ADAM32: variants seen among roughly 807,000 people sequenced by gnomAD.
The protein encoded by ADAM32 is ADAM metallopeptidase domain 32.
Under a neutral mutation model 114.9 loss-of-function variants are expected in ADAM32, and 89 were observed. That is an observed-to-expected ratio of 0.77 (90% CI 0.65 to 0.92). The LOEUF (loss-of-function observed/expected upper bound fraction) is 0.92, where lower values mean the gene tolerates loss of function less well. Among genes scored for constraint, ADAM32 ranks in the 40% least tolerant of loss-of-function variants. ADAM32 has a pLI of 0.00. For synonymous variants in ADAM32, 285 were observed against 307.5 expected, an observed-to-expected ratio of 0.93 and a Z score of 0.77; for missense variants, 870 against 932.8, an observed-to-expected ratio of 0.93 and a Z score of 0.88.
chr8:39,236,655 A>G (rs1810165288), intron 16 of ADAM32, among the ~76,000 whole-genome samples: 2 of 152,184 alleles, frequency 1.3e-5, no homozygotes, highest in Non-Finnish European at 2.9e-5. Flanking sequence ...ATGAGCTTAT[A>G]TTGACACATC....
intron 11 of ADAM32, among the ~76,000 whole-genome samples, chr8:39,210,861 A>G (rs990217163): frequency 4.0e-5 from 6 of 151,702 alleles, no homozygotes; most frequent in Non-Finnish European, 7.4e-5. Flanking sequence ...GCTGATTTTT[A>G]TTTGGAATAA....
intron 16 of ADAM32, among the ~76,000 whole-genome samples, chr8:39,234,815 C>A (rs11781312): frequency 0.027 from 4,179 of 152,288 alleles, 92 homozygotes; most frequent in Non-Finnish European, 0.042. Flanking sequence ...AACACAACAT[C>A]CAAATAGCTC....
chr8:39,174,465 T>C (rs1255436950), intron 10 of ADAM32, among the ~76,000 whole-genome samples: 1 of 72,930 alleles, frequency 1.4e-5, no homozygotes, highest in Admixed American at 1.4e-4. Context: ...TGGTTCCATA[T>C]GATTTTTTTT....
At chr8:39,149,631 T>C (rs1453570702) in intron 4 of ADAM32, among the ~76,000 whole-genome samples, 160 bp from the exon 5 acceptor site, 1 of 152,098 alleles carries the variant, frequency 6.6e-6, no homozygotes, top group Non-Finnish European at 1.5e-5. Flanking sequence ...AAGTGGCAAT[T>C]ATGGGGAGAA....
At chr8:39,265,443 T>C (rs1278698361) in intron 19 of ADAM32, among the ~76,000 whole-genome samples, 1 of 152,206 alleles carries the variant, frequency 6.6e-6, no homozygotes, top group Non-Finnish European at 1.5e-5. Context: ...CTTGCTTCTT[T>C]ATACACTTTG....
chr8:39,110,688 C>T (rs1840120797), intron 1 of ADAM32, among the ~76,000 whole-genome samples: 1 of 152,206 alleles, frequency 6.6e-6, no homozygotes, highest in African/African-American at 2.4e-5. Flanking sequence ...TTTATTAATG[C>T]TGTCATATTA....
intron 6 of ADAM32, among the ~76,000 whole-genome samples, chr8:39,155,149 CT>C (rs1256001838): frequency 6.6e-6 from 1 of 152,204 alleles, no homozygotes; most frequent in African/African-American, 2.4e-5. Flanking sequence ...TGGAAGCATT[CT>C]CTTTGAAAAC....
intron 1 of ADAM32, among the ~76,000 whole-genome samples, chr8:39,110,162 C>T (rs1042142481): frequency 3.3e-5 from 5 of 152,090 alleles, no homozygotes; most frequent in Admixed American, 6.5e-5. Context: ...CTCCGCCTCC[C>T]GGTTCAAGCA....
At chr8:39,234,136 TTTTTA>T (rs1809943256) in intron 16 of ADAM32, 54 bp downstream of exon 16, 1 of 1,176,626 alleles carries the variant, frequency 8.5e-7, no homozygotes. Flanking sequence ...TGTTTTCATC[TTTTTA>T]TTTAAGTATC....
intron 23 of ADAM32, 122 bp from the exon 24 acceptor site, chr8:39,283,464 A>T: frequency 4.9e-6 from 3 of 611,912 alleles, no homozygotes; most frequent in Non-Finnish European, 7.4e-6. Flanking sequence ...TTTGGCAAAT[A>T]TTTCTTTTTT....
At chr8:39,225,830 A>G (rs1448219539) in intron 14 of ADAM32, among the ~76,000 whole-genome samples, 1 of 152,198 alleles carries the variant, frequency 6.6e-6, no homozygotes, top group African/African-American at 2.4e-5. Context: ...TAAAGTTTCA[A>G]AATGGTGACT....
chr8:39,193,017 A>T (rs946956542), intron 11 of ADAM32, among the ~76,000 whole-genome samples: 2 of 152,176 alleles, frequency 1.3e-5, no homozygotes, highest in African/African-American at 4.8e-5. Flanking sequence ...CTTGTGAAGC[A>T]TATTGTGGAG....
At chr8:39,201,052 T>G (rs1355443708) in intron 11 of ADAM32, among the ~76,000 whole-genome samples, 1 of 152,218 alleles carries the variant, frequency 6.6e-6, no homozygotes, top group African/African-American at 2.4e-5. Flanking sequence ...TGAAGTCAGG[T>G]AGCGTGATGC....
intron 4 of ADAM32, among the ~76,000 whole-genome samples, chr8:39,148,269 C>T (rs1290621486): frequency 2.6e-5 from 4 of 152,168 alleles, no homozygotes; most frequent in Non-Finnish European, 4.4e-5. Flanking sequence ...TTTGTTCCAG[C>T]ATTGTTGTTC....
At chr8:39,222,835 T>C (rs1024932600) in intron 13 of ADAM32, among the ~76,000 whole-genome samples, 1 of 152,144 alleles carries the variant, frequency 6.6e-6, no homozygotes, top group African/African-American at 2.4e-5. Flanking sequence ...TGCATTTTCT[T>C]GTACATATGT....
At chr8:39,245,381 A>G (rs1247802047) in intron 16 of ADAM32, among the ~76,000 whole-genome samples, 5 of 152,030 alleles carry the variant, frequency 3.3e-5, no homozygotes, top group African/African-American at 1.2e-4. Flanking sequence ...GGCTGCACCA[A>G]CATCTCAGAA....
chr8:39,113,067 G>A (rs766457077), intron 1 of ADAM32, among the ~76,000 whole-genome samples: 2 of 152,188 alleles, frequency 1.3e-5, no homozygotes, highest in Non-Finnish European at 2.9e-5. Flanking sequence ...TGAGTTGTGA[G>A]ACTTCCAAGT....
At chr8:39,187,522 C>T (rs1192096121) in intron 11 of ADAM32, among the ~76,000 whole-genome samples, 1 of 152,190 alleles carries the variant, frequency 6.6e-6, no homozygotes, top group Admixed American at 6.5e-5. Context: ...CCGCCCGCCT[C>T]GGCCTCCCAA....
At chr8:39,238,334 C>A (rs538409760) in intron 16 of ADAM32, among the ~76,000 whole-genome samples, 14 of 152,320 alleles carry the variant, frequency 9.2e-5, no homozygotes, top group Non-Finnish European at 1.8e-4. Flanking sequence ...CAGTAATGAT[C>A]ACTGTGGTCT....
Sources: gnomAD v4.1 joint callset for allele counts (sites outside exome capture counted in the v4.1 genomes callset) on GRCh38, gnomAD v4.1.1 for gene constraint, MANE v1.5 for transcripts, NCBI Gene and HGNC (gene_info 2026-07-23, HGNC 2026-07-21) for gene names.